ZNF687: variants seen among roughly 807,000 people sequenced by gnomAD.
The protein encoded by ZNF687 is zinc finger protein 687.
A neutral mutation model predicts 71.8 loss-of-function variants in ZNF687; 13 were observed. The ratio of observed to expected loss-of-function variants is 0.18; its 90% CI spans 0.12 to 0.29. ZNF687 has a LOEUF of 0.29. ZNF687 is among the 10% of genes least tolerant of loss of function. ZNF687 has a pLI of 1.00. For synonymous variants in ZNF687, 673 were observed against 641.6 expected, an observed-to-expected ratio of 1.05 and a Z score of -0.74; for missense variants, 1,412 against 1,625.6, an observed-to-expected ratio of 0.87 and a Z score of 2.26.
intron 1 of ZNF687, chr1:151,283,851 C>T: frequency 1.0e-6 from 1 of 985,378 alleles, no homozygotes; most frequent in Non-Finnish European, 1.2e-6. Flanking sequence ...CTGGGACTGT[C>T]TCTAGTTACA....
chr1:151,291,927 G>GACTT lies in ZNF687; in HGVS notation c.*719_*722dup, dbSNP rs1694298829. The stretch of plus-strand genomic sequence containing the variant: ...TCCATTCAGGCCTCTCTTTTTCTGT[G>GACTT]ACTTGGACAATGTGGAGTTGAAGCG... On this transcript the variant is annotated 3_prime_UTR_variant, in exon 9 of 9. Coordinates refer to ENST00000336715, the MANE Select transcript of ZNF687 (RefSeq NM_020832.3). 1 of 152,278 alleles carries GACTT rather than the reference G, an allele frequency of 6.6e-6. No individual in the cohort carries two copies. The highest frequency in any genetic ancestry group is 1.5e-5 in the Non-Finnish European group (1 of 68,050). 9.4% of individuals were successfully genotyped at this position (152,278 alleles called of 1,614,324 possible). A position where few individuals can be genotyped will look rare whatever the true frequency, so the allele number is the denominator to read the frequency against.
rs1487896412 is a variant in ZNF687, at chr1:151,289,765, C to T, written c.2722C>T (p.Leu908=). The change falls in exon 6 of 9, where the codon CTG becomes TTG. Residue 908 remains leucine, a synonymous_variant. Coordinates refer to ENST00000336715, the MANE Select transcript of ZNF687 (RefSeq NM_020832.3). ...GACCCCCAAGACTGAGCCTGAGGAG[C>T]TGGCTGTTTCTCAGGGAGGGGCAGC... ...LLTPKTEPEE[L]AVSQGGAAPA... The T allele has an allele frequency of 6.4e-7, 1 of 1,560,188 alleles. No homozygotes were observed. The highest frequency in any genetic ancestry group is 1.7e-4 in the Middle Eastern group (1 of 5,980).
Position 151,286,281 on chromosome 1 carries a change from GA to G in ZNF687, c.-10del. 1 of 1,539,644 alleles carries G rather than the reference GA, an allele frequency of 6.5e-7. No individual in the cohort carries two copies. The highest frequency in any genetic ancestry group is 8.7e-7 in the Non-Finnish European group (1 of 1,146,396). ...TCGTTCCTGTTTTCATCAGGTCTGGGATCTGCCGATATGGGGGATATGAAGA... is the reference window on the plus strand; with the variant it reads ...TCGTTCCTGTTTTCATCAGGTCTGGGTCTGCCGATATGGGGGATATGAAGA... On this transcript the variant is annotated 5_prime_UTR_variant, in exon 2 of 9. Coordinates refer to ENST00000336715, the MANE Select transcript of ZNF687 (RefSeq NM_020832.3).
rs956543549 is a variant in ZNF687, at chr1:151,283,035, T to G, written c.-18+640T>G. On this transcript the variant is annotated intron_variant, in intron 1 of 8. Coordinates refer to ENST00000336715, the MANE Select transcript of ZNF687 (RefSeq NM_020832.3). ...CCACCCTATCCTGTGTAGTCCTGGG[T>G]CCCCAGGTGCTGCGCAGCAGCTCCC... 4.7e-6 allele frequency: 4 copies of G among 854,626 alleles called. No homozygotes were observed. In the African/African-American group the frequency reaches 7.3e-5, roughly 16 times the overall value. The allele number at this position is 854,626 out of a possible 1,614,324, so 52.9% of individuals were successfully genotyped here. A position where few individuals can be genotyped will look rare whatever the true frequency, so the allele number is the denominator to read the frequency against.
rs141339521 is a variant in ZNF687 at position 151,283,280 on chromosome 1, C to T, written c.-18+885C>T. ...CTCAACCTAATCGCCGCCAGCCCCTCGCCCTCCTCTGCGCTGCAGGCCTTG... is the reference window on the plus strand; with the variant it reads ...CTCAACCTAATCGCCGCCAGCCCCTTGCCCTCCTCTGCGCTGCAGGCCTTG... On this transcript the variant is annotated intron_variant, in intron 1 of 8. Coordinates refer to ENST00000336715, the MANE Select transcript of ZNF687 (RefSeq NM_020832.3). 1.2e-5 allele frequency: 12 copies of T among 985,478 alleles called. No homozygotes were observed. In the East Asian group the frequency reaches 9.1e-4, roughly 75 times the overall value. 61.0% of individuals were successfully genotyped at this position (985,478 alleles called of 1,614,324 possible).
rs587709695 is a variant in ZNF687 at position 151,286,941 on chromosome 1, C to A, written c.650C>A (p.Pro217Gln). 1.2e-6 allele frequency: 2 copies of A among 1,611,756 alleles called. No individual in the cohort carries two copies. The highest frequency in any genetic ancestry group is 1.1e-5 in the South Asian group (1 of 90,762). Residue 217 changes from proline to glutamine, a missense_variant, in exon 2 of 9, where the codon CCA becomes CAA. Physicochemically the swap from Pro to Gln is moderately conservative, Grantham distance 76 (BLOSUM62 -1). This residue lies in a region of ZNF687 where 490 missense variants were observed against 489.9 expected (regional missense o/e 1.00). Coordinates refer to ENST00000336715, the MANE Select transcript of ZNF687 (RefSeq NM_020832.3). The part of the protein sequence containing the change: ...PGMQPPVSSP[P>Q]LGALKQESCS... ...ATGCAGCCACCTGTTTCTTCCCCAC[C>A]ATTGGGGGCCTTGAAGCAGGAGAGC...
At chr1:151,283,800 C>T (rs1002809459) in intron 1 of ZNF687, 3 of 985,236 alleles carry the variant, frequency 3.0e-6, no homozygotes, top group Non-Finnish European at 3.6e-6. Flanking sequence ...TGGTTTTGCC[C>T]CCACCCCAAC....
At position 151,286,639 on chromosome 1, in the gene ZNF687, G is replaced by C; in HGVS notation, c.348G>C (p.Gly116=). The C allele has an allele frequency of 2.5e-6, 4 of 1,614,216 alleles. No homozygotes were observed. The highest frequency in any genetic ancestry group is 3.4e-6 in the Non-Finnish European group (4 of 1,180,030). The change falls in exon 2 of 9, where the codon GGG becomes GGC. Residue 116 remains glycine (G), a synonymous_variant. Coordinates refer to ENST00000336715, the MANE Select transcript of ZNF687 (RefSeq NM_020832.3). The part of the protein sequence containing the change: ...GAQAAGVTKE[G]PVGPHRMQNG... ...AGGCTGCTGGGGTAACTAAAGAAGGGCCTGTGGGGCCTCATCGAATGCAGA... is the reference window on the plus strand; with the variant it reads ...AGGCTGCTGGGGTAACTAAAGAAGGCCCTGTGGGGCCTCATCGAATGCAGA...
At position 151,290,208 on chromosome 1, in the gene ZNF687, G is replaced by A. The variant is rs1694156318; in HGVS notation, c.3051G>A (p.Glu1017=). 6.2e-7 allele frequency: 1 copy of A among 1,614,030 alleles called. No individual in the cohort carries two copies. The highest frequency in any genetic ancestry group is 8.5e-7 in the Non-Finnish European group (1 of 1,180,034). The change falls in exon 7 of 9, where the codon GAG becomes GAA. Residue 1017 remains glutamate, a synonymous_variant. Transcript: ENST00000336715. ...SLRRHVRVNH[E]GIKRVYPCRY... is the part of the protein sequence containing the mutation. ...GGCGCCATGTCAGAGTTAATCACGA[G>A]GGCATCAAGCGAGTTTACCCCTGCA...
Position 151,286,354 on chromosome 1 carries a change from T to C in ZNF687, c.63T>C (p.Ile21=). 9 of 1,602,126 alleles carry C rather than the reference T, an allele frequency of 5.6e-6. No homozygotes were observed. The highest frequency in any genetic ancestry group is 7.6e-6 in the Non-Finnish European group (9 of 1,176,638). ...TTGCTGCCTTTGACATCCCTGACAT[T>C]GATGCGAATGAAGCCATCCATTCTG... ...DLLAAFDIPD[I]DANEAIHSGP... The change falls in exon 2 of 9, where the codon ATT becomes ATC. Residue 21 remains isoleucine (I), a synonymous_variant. Coordinates refer to ENST00000336715, the MANE Select transcript of ZNF687 (RefSeq NM_020832.3).
chr1:151,284,677 C>T (rs1345191532), intron 1 of ZNF687, among the ~76,000 whole-genome samples: 1 of 151,874 alleles, frequency 6.6e-6, no homozygotes, highest in African/African-American at 2.4e-5. Context: ...CCTGACATGT[C>T]CTTGCTTGGT....
chr1:151,285,214 A>T (rs1693890831), intron 1 of ZNF687: 1 of 152,186 alleles, frequency 6.6e-6, no homozygotes, highest in Non-Finnish European at 1.5e-5. Flanking sequence ...AGCCTTTCAG[A>T]TCTGTGTGGA....
chr1:151,287,038 T>G lies in ZNF687; in HGVS notation c.747T>G (p.Pro249=). The change falls in exon 2 of 9, where the codon CCT becomes CCG. Residue 249 remains proline (P), a synonymous_variant. Coordinates refer to ENST00000336715, the MANE Select transcript of ZNF687 (RefSeq NM_020832.3). This position sits in a 1 kb window ranked among gnomAD's most constrained non-coding sequence, Gnocchi z 5.0. ...CCAGCCCTAAGGCCACGGACATCCC[T>G]GCCAGTGCCTCGCCTCCCCCAGTTG... ...SGSSPKATDI[P]ASASPPPVAG... is the part of the protein sequence containing the mutation. 6.2e-7 allele frequency: 1 copy of G among 1,608,636 alleles called. No individual in the cohort carries two copies. Among genetic ancestry groups the G allele is most frequent in the African/African-American group, 1.3e-5 (1 of 74,932 alleles).
chr1:151,287,938 A>G lies in ZNF687; in HGVS notation c.1647A>G (p.Ala549=). 6.2e-7 allele frequency: 1 copy of G among 1,613,874 alleles called. No homozygotes were observed. The highest frequency in any genetic ancestry group is 8.5e-7 in the Non-Finnish European group (1 of 1,180,016). The change falls in exon 2 of 9, where the codon GCA becomes GCG. Residue 549 remains alanine, a synonymous_variant. Transcript: ENST00000336715. The surrounding 1 kb of genome is among the most constrained non-coding windows in gnomAD (Gnocchi z 5.0). ...GDAFSLEKSL[A]RHYDRRSMRI... ...CCTTCTCATTGGAGAAGAGCCTGGC[A>G]CGGCACTATGACCGTCGGAGCATGC...
At chr1:151,282,510 T>G in intron 1 of ZNF687, 115 bp downstream of exon 1, 1 of 773,452 alleles carries the variant, frequency 1.3e-6, no homozygotes, top group Non-Finnish European at 1.6e-6. Context: ...CGCCGCCCCC[T>G]GGGGCGGCTT....
rs1009351506 is a variant in ZNF687, at chr1:151,282,351, G to A, written c.-62G>A. Reference sequence around the variant, plus strand: ...CGGCGGTGGCTGCAGCGGCTGGAGCGGGGTAGAGACCGCCGGGTCTCGGCC... The same window carrying A: ...CGGCGGTGGCTGCAGCGGCTGGAGCAGGGTAGAGACCGCCGGGTCTCGGCC... On this transcript the variant is annotated 5_prime_UTR_variant, in exon 1 of 9. Coordinates refer to ENST00000336715, the MANE Select transcript of ZNF687 (RefSeq NM_020832.3). The A allele has an allele frequency of 3.2e-5, 32 of 999,160 alleles. No homozygotes were observed. The highest frequency in any genetic ancestry group is 1.0e-4 in the African/African-American group (6 of 57,888). The allele number at this position is 999,160 out of a possible 1,614,324, so 61.9% of individuals were successfully genotyped here. A position where few individuals can be genotyped will look rare whatever the true frequency, so the allele number is the denominator to read the frequency against.
At chr1:151,288,507 C>G in intron 2 of ZNF687, 21 bp from the exon 3 acceptor site, 3 of 1,586,142 alleles carry the variant, frequency 1.9e-6, no homozygotes, top group Non-Finnish European at 2.6e-6. Context: ...ACCGACTTTC[C>G]TTGTTTAACC....
Position 151,290,113 on chromosome 1 carries a change from C to T in ZNF687, c.2965-9C>T, listed in dbSNP as rs1437586263. On this transcript the variant is annotated splice_polypyrimidine_tract_variant and intron_variant, in intron 6 of 8. Coordinates refer to ENST00000336715, the MANE Select transcript of ZNF687 (RefSeq NM_020832.3). ...AGCCTGGCTCTGACATCTACCCCTG[C>T]TCTCCTAGTCAGTGAAAAAGTTCCC... 1.2e-6 allele frequency: 2 copies of T among 1,613,806 alleles called. No individual in the cohort carries two copies. Among genetic ancestry groups the T allele is most frequent in the Non-Finnish European group, 1.7e-6 (2 of 1,179,926 alleles).
chr1:151,290,251 G>C lies in ZNF687; in HGVS notation c.3077+17G>C. On this transcript the variant is annotated intron_variant, in intron 7 of 8. Coordinates refer to ENST00000336715, the MANE Select transcript of ZNF687 (RefSeq NM_020832.3). ...CCCCTGCAGGTAAGTCTTGCTCCCC[G>C]CTTCCTCTTCCTGCCCAGCACGTGA... is the stretch of plus-strand genomic sequence containing the variant. The C allele has an allele frequency of 6.2e-7, 1 of 1,613,130 alleles. No homozygotes were observed. The highest frequency in any genetic ancestry group is 2.2e-5 in the East Asian group (1 of 44,884).
Sources: gnomAD v4.1 joint callset for allele counts (sites outside exome capture counted in the v4.1 genomes callset) on GRCh38, gnomAD v4.1.1 for gene constraint, gnomAD v4.1.1 regional missense constraint, Gnocchi (gnomAD v3.1) non-coding constraint, MANE v1.5 for transcripts, NCBI Gene and HGNC (gene_info 2026-07-23, HGNC 2026-07-21) for gene names.